The following SDCCAG8 variants were observed in gnomAD, a reference collection of about 807,000 sequenced individuals.
The protein encoded by SDCCAG8 is SHH signaling and ciliogenesis regulator SDCCAG8.
Under a neutral mutation model 101.8 loss-of-function variants are expected in SDCCAG8, and 74 were observed. That is an observed-to-expected ratio of 0.73 (90% CI 0.60 to 0.88). The LOEUF is 0.88. Ranked by LOEUF, SDCCAG8 falls within the 40% of genes least tolerant of loss-of-function variation. The pLI, the probability that SDCCAG8 is intolerant of heterozygous loss-of-function variation, is 0.00. For synonymous variants in SDCCAG8, 281 were observed against 292.9 expected (o/e 0.96, Z 0.41); for missense variants, 787 against 822.6 (o/e 0.96, Z 0.53).
At chr1:243,338,422 T>C (rs1383502564) in intron 10 of SDCCAG8, among the ~76,000 whole-genome samples, 2 of 143,722 alleles carry the variant, frequency 1.4e-5, no homozygotes, top group African/African-American at 2.5e-5. Flanking sequence ...CTTACTTTTC[T>C]TTTTTTTTTT....
intron 13 of SDCCAG8, among the ~76,000 whole-genome samples, chr1:243,392,599 C>T (rs1188873235): frequency 6.6e-6 from 1 of 152,132 alleles, no homozygotes; most frequent in African/African-American, 2.4e-5. Flanking sequence ...TAATAAAATC[C>T]ATCTACAGTG....
intron 10 of SDCCAG8, among the ~76,000 whole-genome samples, chr1:243,332,732 C>T (rs5027880): frequency 0.24 from 33,043 of 138,156 alleles, 3,798 homozygotes; most frequent in Admixed American, 0.32. Context: ...GTGATTTTCG[C>T]GGTCCAGGTC....
Position 243,409,136 on chromosome 1 carries a change from C to T in SDCCAG8, c.1617-6566C>T, listed in dbSNP as rs535669742. 5.6e-4 allele frequency among the ~76,000 whole-genome samples: 86 copies of T among 152,232 alleles called. No individual in the cohort carries two copies. The South Asian group carries it at 0.017, about 31-fold the overall frequency. ...AAAAACAAGGCAAAACAAAACAAAA[C>T]TATAAGCAAATATTGAAATCTAGTT... is the stretch of plus-strand genomic sequence containing the variant. On this transcript the variant is annotated intron_variant, in intron 13 of 17. Transcript: ENST00000366541.
chr1:243,376,321 G>A (rs2077594329), intron 12 of SDCCAG8, among the ~76,000 whole-genome samples: 1 of 152,134 alleles, frequency 6.6e-6, no homozygotes, highest in Non-Finnish European at 1.5e-5. Flanking sequence ...TCCGATTTTA[G>A]GAGGAAGAAA....
chr1:243,367,445 A>G (rs1238304226), intron 12 of SDCCAG8, among the ~76,000 whole-genome samples: 2 of 151,744 alleles, frequency 1.3e-5, no homozygotes, highest in South Asian at 2.1e-4. Context: ...TTTTTTTTAC[A>G]TAAAGTAAAT....
intron 12 of SDCCAG8, among the ~76,000 whole-genome samples, chr1:243,348,416 CCT>C (rs887567095): frequency 3.3e-5 from 5 of 151,882 alleles, no homozygotes; most frequent in African/African-American, 1.2e-4. Context: ...TTGACTCAAT[CCT>C]CTCTAAACAC....
Position 243,256,253 on chromosome 1 carries a change from AAACCT to A in SDCCAG8, c.67+14_67+18del. The A allele has an allele frequency of 6.2e-7, 1 of 1,613,346 alleles. No individual in the cohort carries two copies. The highest frequency in any genetic ancestry group is 1.1e-5 in the South Asian group (1 of 91,076). Reference sequence around the variant, plus strand: ...CGGAGTCTCCGGGGTGAGTTGCTCCAAACCTCTGTCCCTAGCCCCGAGGTGCCCAG... The same window carrying A: ...CGGAGTCTCCGGGGTGAGTTGCTCCACTGTCCCTAGCCCCGAGGTGCCCAG... On this transcript the variant is annotated intron_variant, in intron 1 of 17. Transcript: ENST00000366541.
chr1:243,466,622 A>T (rs1166698575), intron 16 of SDCCAG8, among the ~76,000 whole-genome samples: 1 of 152,256 alleles, frequency 6.6e-6, no homozygotes, highest in African/African-American at 2.4e-5. Context: ...AGTGCAGGGC[A>T]CATAGTAAGT....
At chr1:243,355,802 G>A (rs1428060344) in intron 12 of SDCCAG8, among the ~76,000 whole-genome samples, 1 of 152,016 alleles carries the variant, frequency 6.6e-6, no homozygotes, top group East Asian at 1.9e-4. Flanking sequence ...TAGAGTCAGG[G>A]TCTTGCTATG....
intron 9 of SDCCAG8, among the ~76,000 whole-genome samples, chr1:243,328,117 T>G (rs2074329245): frequency 6.6e-6 from 1 of 152,122 alleles, no homozygotes; most frequent in African/African-American, 2.4e-5. Flanking sequence ...TTAGCCAGGA[T>G]GGTCTCGATC....
rs11587819 is a variant in SDCCAG8 at position 243,310,247 on chromosome 1, A to G, written c.929+2070A>G. Among the ~76,000 whole-genome samples, 1,348 of 152,258 alleles carry G rather than the reference A, an allele frequency of 8.9e-3. 5 individuals carry two copies. Among genetic ancestry groups the G allele is most frequent in the Non-Finnish European group, 0.014 (984 of 68,024 alleles). On this transcript the variant is annotated intron_variant, in intron 8 of 17. Coordinates refer to ENST00000366541, the MANE Select transcript of SDCCAG8 (RefSeq NM_006642.5). ...TTCAATATGTTGTTAATTTATTCAT[A>G]TAGTCTCAATATAACTATTAAACAT...
At chr1:243,310,064 A>G (rs2072570103) in intron 8 of SDCCAG8, among the ~76,000 whole-genome samples, 1 of 151,980 alleles carries the variant, frequency 6.6e-6, no homozygotes, top group Non-Finnish European at 1.5e-5. Context: ...GGGTTTCACC[A>G]TGTTGGCTAG....
intron 16 of SDCCAG8, among the ~76,000 whole-genome samples, chr1:243,436,109 A>G (rs2082111467): frequency 1.3e-5 from 2 of 152,086 alleles, no homozygotes; most frequent in Non-Finnish European, 2.9e-5. Flanking sequence ...TTGGACGAAC[A>G]CATGATATAT....
chr1:243,499,736 CTTT>C lies in SDCCAG8; in HGVS notation c.2113-17_2113-15del, dbSNP rs1669050057. On this transcript the variant is annotated splice_polypyrimidine_tract_variant and intron_variant, in intron 17 of 17. Transcript: ENST00000366541. ...GAAGAACATGAGCTATTGAAACTTA[CTTT>C]TTATTATTTTTTCCAGTTACCCAGC... 2.5e-6 allele frequency: 4 copies of C among 1,601,284 alleles called. No individual in the cohort carries two copies. Among genetic ancestry groups the C allele is most frequent in the Admixed American group, 1.7e-5 (1 of 59,982 alleles).
intron 16 of SDCCAG8, among the ~76,000 whole-genome samples, chr1:243,459,219 A>T (rs1658499911): frequency 6.6e-6 from 1 of 152,208 alleles, no homozygotes; most frequent in South Asian, 2.1e-4. Context: ...CTTCCAATTT[A>T]TGATTGAGGA....
At chr1:243,310,636 C>T (rs1378761113) in intron 8 of SDCCAG8, among the ~76,000 whole-genome samples, 1 of 152,082 alleles carries the variant, frequency 6.6e-6, no homozygotes. Context: ...AAAAAAGATA[C>T]ATTTGTTTCT....
intron 12 of SDCCAG8, among the ~76,000 whole-genome samples, chr1:243,374,612 A>G (rs57809797): frequency 0.16 from 23,883 of 152,046 alleles, 2,471 homozygotes; most frequent in African/African-American, 0.29. Flanking sequence ...TCAAGTGTAC[A>G]CATACAATAA....
chr1:243,274,543 A>C lies in SDCCAG8; in HGVS notation c.307A>C (p.Arg103=), dbSNP rs773575477. 6.6e-7 allele frequency: 1 copy of C among 1,506,310 alleles called. No homozygotes were observed. Among genetic ancestry groups the C allele is most frequent in the Non-Finnish European group, 9.2e-7 (1 of 1,084,680 alleles). The allele number at this position is 1,506,310 out of a possible 1,614,324, so 93.3% of individuals were successfully genotyped here. The part of the protein sequence containing the change: ...PSRRRKMSPL[R]SLEHEETNMP... ...TTTATTTATTTATTTTTTGTCATAGAGGTCATTAGAACATGAGGAAACCAA... is the reference window on the plus strand; with the variant it reads ...TTTATTTATTTATTTTTTGTCATAGCGGTCATTAGAACATGAGGAAACCAA... Residue 103 remains arginine, a splice_region_variant and synonymous_variant, in exon 4 of 18, where the codon AGG becomes CGG. Transcript: ENST00000366541.
rs966374645 is a variant in SDCCAG8 at position 243,497,557 on chromosome 1, G to A, written c.2113-2199G>A. Among the ~76,000 whole-genome samples the A allele has an allele frequency of 5.3e-5, 8 of 152,044 alleles. No individual in the cohort carries two copies. The South Asian group carries it at 6.2e-4, about 12-fold the overall frequency. The stretch of plus-strand genomic sequence containing the variant: ...GGCCCACGGAATCAGGAGGTCACCC[G>A]TTTCTGGAACAGCTCCGATAGTGAT... On this transcript the variant is annotated intron_variant, in intron 17 of 17. Transcript: ENST00000366541.
Sources: gnomAD v4.1 joint callset for allele counts (sites outside exome capture counted in the v4.1 genomes callset) on GRCh38, gnomAD v4.1.1 for gene constraint, MANE v1.5 for transcripts, NCBI Gene and HGNC (gene_info 2026-07-23, HGNC 2026-07-21) for gene names.